PRKAR2B: variants seen among roughly 807,000 people sequenced by gnomAD.
The protein encoded by PRKAR2B is protein kinase cAMP-dependent type II regulatory subunit beta.
In PRKAR2B, 14 loss-of-function variants were observed where a neutral mutation model predicts 49.9. That is an observed-to-expected ratio of 0.28 (90% CI 0.19 to 0.44). The LOEUF (loss-of-function observed/expected upper bound fraction) is 0.44, where lower values mean the gene tolerates loss of function less well. PRKAR2B is among the 20% of genes least tolerant of loss of function. The pLI, the probability that PRKAR2B is intolerant of heterozygous loss-of-function variation, is 1.00. For missense variants in PRKAR2B, 393 were observed against 537.9 expected (o/e 0.73, Z 2.67); for synonymous variants, 196 against 197.7 (o/e 0.99, Z 0.07).
At chr7:107,143,670 A>C (rs1795830179) in intron 5 of PRKAR2B, among the ~76,000 whole-genome samples, 1 of 152,250 alleles carries the variant, frequency 6.6e-6, no homozygotes, top group Admixed American at 6.5e-5. Context: ...AATGCTGAAC[A>C]ACCACAGATT....
chr7:107,100,664 G>A (rs1192749985), intron 2 of PRKAR2B, among the ~76,000 whole-genome samples: 1 of 152,048 alleles, frequency 6.6e-6, no homozygotes, highest in Non-Finnish European at 1.5e-5. Context: ...ATCTACGACT[G>A]TCTATTTTTA....
At chr7:107,066,018 TA>T (rs1794129494) in intron 1 of PRKAR2B, among the ~76,000 whole-genome samples, 1 of 152,190 alleles carries the variant, frequency 6.6e-6, no homozygotes, top group Non-Finnish European at 1.5e-5. Flanking sequence ...TCTAGTGGAA[TA>T]TAGTTTGGCA....
At chr7:107,113,309 G>A (rs550293162) in intron 2 of PRKAR2B, among the ~76,000 whole-genome samples, 1 of 152,230 alleles carries the variant, frequency 6.6e-6, no homozygotes, top group Non-Finnish European at 1.5e-5. Context: ...AGAGATGATC[G>A]TATTATCTAA....
chr7:107,080,369 G>T, intron 2 of PRKAR2B, among the ~76,000 whole-genome samples: 1 of 152,168 alleles, frequency 6.6e-6, no homozygotes, highest in East Asian at 1.9e-4. Flanking sequence ...TGAGGGTGTG[G>T]GGAATGTGTT....
intron 3 of PRKAR2B, among the ~76,000 whole-genome samples, chr7:107,126,601 C>T (rs557433095): frequency 1.3e-5 from 2 of 152,158 alleles, no homozygotes; most frequent in Admixed American, 1.3e-4. Flanking sequence ...GCACTCTCCT[C>T]TCCCCCCTTT....
At chr7:107,088,815 G>T (rs1333931289) in intron 2 of PRKAR2B, among the ~76,000 whole-genome samples, 2 of 152,094 alleles carry the variant, frequency 1.3e-5, no homozygotes, top group African/African-American at 4.8e-5. Context: ...GGCCAGGCTG[G>T]TCTTGAACTC....
At chr7:107,142,847 C>G (rs950255673) in intron 5 of PRKAR2B, among the ~76,000 whole-genome samples, 7 of 152,060 alleles carry the variant, frequency 4.6e-5, no homozygotes, top group African/African-American at 1.7e-4. Flanking sequence ...ACTGCAACCT[C>G]TGCCTCCCAG....
chr7:107,144,072 ATTTATTTATT>A (rs1795841373), intron 5 of PRKAR2B, among the ~76,000 whole-genome samples: 1 of 149,900 alleles, frequency 6.7e-6, no homozygotes, highest in Non-Finnish European at 1.5e-5. Context: ...TTATTTATTT[ATTTATTTATT>A]TATTTATTTA....
intron 1 of PRKAR2B, among the ~76,000 whole-genome samples, chr7:107,059,337 C>G (rs996324166): frequency 2.6e-5 from 4 of 151,970 alleles, no homozygotes; most frequent in Admixed American, 6.6e-5. Flanking sequence ...GGAGGCCCCT[C>G]GTGTACTCTC....
intron 1 of PRKAR2B, among the ~76,000 whole-genome samples, chr7:107,065,048 T>C (rs1467990228): frequency 6.6e-6 from 1 of 152,206 alleles, no homozygotes; most frequent in African/African-American, 2.4e-5. Context: ...AAATATTTAC[T>C]CTGTCAAAAA....
At chr7:107,144,393 C>A (rs1418466760) in intron 5 of PRKAR2B, among the ~76,000 whole-genome samples, 2 of 151,776 alleles carry the variant, frequency 1.3e-5, no homozygotes, top group African/African-American at 4.8e-5. Context: ...GCCATGAAAG[C>A]CAATTATTTT....
intron 2 of PRKAR2B, among the ~76,000 whole-genome samples, chr7:107,087,549 G>C (rs768857452): frequency 6.6e-6 from 1 of 152,128 alleles, no homozygotes; most frequent in Non-Finnish European, 1.5e-5. Flanking sequence ...CACTGTTACT[G>C]TTCTAATGTT....
chr7:107,159,829 A>T lies in PRKAR2B; in HGVS notation c.*247A>T. 1 of 382,354 alleles carries T rather than the reference A, an allele frequency of 2.6e-6. No homozygotes were observed. Among genetic ancestry groups the T allele is most frequent in the East Asian group, 4.1e-5 (1 of 24,514 alleles). 23.7% of individuals were successfully genotyped at this position (382,354 alleles called of 1,614,324 possible). A position where few individuals can be genotyped will look rare whatever the true frequency, so the allele number is the denominator to read the frequency against. ...TGACTTTGTACTCCACAAAATTATGACTGAAAGGTTTATTAAAATGATTGT... is the reference window on the plus strand; with the variant it reads ...TGACTTTGTACTCCACAAAATTATGTCTGAAAGGTTTATTAAAATGATTGT... On this transcript the variant is annotated 3_prime_UTR_variant, in exon 11 of 11. Transcript: ENST00000265717.
intron 5 of PRKAR2B, among the ~76,000 whole-genome samples, chr7:107,144,129 G>T (rs1160001694): frequency 6.6e-6 from 1 of 151,636 alleles, no homozygotes; most frequent in Non-Finnish European, 1.5e-5. Flanking sequence ...TTGTTGCCCA[G>T]GCTGGAGTGC....
intron 2 of PRKAR2B, among the ~76,000 whole-genome samples, chr7:107,099,110 C>CA (rs1454299975): frequency 6.6e-6 from 1 of 152,174 alleles, no homozygotes; most frequent in Non-Finnish European, 1.5e-5. Flanking sequence ...GCCCTGCTGC[C>CA]AGAGGTGGAG....
At chr7:107,052,626 C>G (rs551111604) in intron 1 of PRKAR2B, among the ~76,000 whole-genome samples, 1 of 152,098 alleles carries the variant, frequency 6.6e-6, no homozygotes, top group Admixed American at 6.5e-5. Flanking sequence ...TCTTCAACCA[C>G]GGTTTATACA....
At chr7:107,142,839 T>G (rs1795812863) in intron 5 of PRKAR2B, among the ~76,000 whole-genome samples, 1 of 152,106 alleles carries the variant, frequency 6.6e-6, no homozygotes, top group Non-Finnish European at 1.5e-5. Flanking sequence ...CTCGACCCAC[T>G]GCAACCTCTG....
At chr7:107,156,632 C>T (rs1381846293) in intron 8 of PRKAR2B, among the ~76,000 whole-genome samples, 1 of 151,850 alleles carries the variant, frequency 6.6e-6, no homozygotes, top group Non-Finnish European at 1.5e-5. Context: ...GTTGAAACCC[C>T]GTCTCTACTA....
At chr7:107,062,097 A>C (rs1480188615) in intron 1 of PRKAR2B, among the ~76,000 whole-genome samples, 2 of 152,280 alleles carry the variant, frequency 1.3e-5, no homozygotes, top group Non-Finnish European at 2.9e-5. Context: ...AAAGTGATAT[A>C]AACACTTAGG....
Sources: allele counts gnomAD v4.1 joint callset (sites outside exome capture counted in the v4.1 genomes callset), GRCh38; gene constraint gnomAD v4.1.1; transcripts MANE v1.5; gene names NCBI Gene and HGNC (gene_info 2026-07-23, HGNC 2026-07-21).